The following ANO3 variants were observed in gnomAD, a reference collection of about 807,000 sequenced individuals.
The protein encoded by ANO3 is anoctamin 3.
In ANO3, 99 loss-of-function variants were observed where a neutral mutation model predicts 144.8. The observed-to-expected ratio is 0.68, with a 90% CI of 0.58 to 0.81. The LOEUF is 0.81. ANO3 is among the 30% of genes least tolerant of loss of function. ANO3 has a pLI of 0.00. For synonymous variants in ANO3, 414 were observed against 392.6 expected, an observed-to-expected ratio of 1.05 and a Z score of -0.64; for missense variants, 905 against 1,202.2, an observed-to-expected ratio of 0.75 and a Z score of 3.66.
intron 1 of ANO3, among the ~76,000 whole-genome samples, chr11:26,317,420 A>G (rs1854651317): frequency 6.6e-6 from 1 of 152,114 alleles, no homozygotes; most frequent in African/African-American, 2.4e-5. Context: ...TACAAGAAAA[A>G]AAAAACAACC....
At chr11:26,202,651 G>C (rs995168525) in intron 1 of ANO3, among the ~76,000 whole-genome samples, 3 of 151,452 alleles carry the variant, frequency 2.0e-5, no homozygotes, top group African/African-American at 7.3e-5. Flanking sequence ...AAAATATAAA[G>C]GGGAAAATGA....
chr11:26,322,296 C>T (rs1854778334), intron 1 of ANO3, among the ~76,000 whole-genome samples: 1 of 152,084 alleles, frequency 6.6e-6, no homozygotes, highest in South Asian at 2.1e-4. Context: ...ACCTCTCTCC[C>T]TGCACAATTT....
intron 3 of ANO3, among the ~76,000 whole-genome samples, chr11:26,462,130 TG>T (rs1859418033): frequency 6.6e-6 from 1 of 151,986 alleles, no homozygotes. Flanking sequence ...TAAACAAAAT[TG>T]TTTTTCCTCT....
intron 1 of ANO3, among the ~76,000 whole-genome samples, chr11:26,209,687 C>G (rs1851891302): frequency 6.6e-6 from 1 of 152,204 alleles, no homozygotes; most frequent in Non-Finnish European, 1.5e-5. Flanking sequence ...ACCATTCTAA[C>G]TGGTGTGAGA....
intron 1 of ANO3, among the ~76,000 whole-genome samples, chr11:26,245,434 T>G (rs1343682668): frequency 6.6e-6 from 1 of 152,178 alleles, no homozygotes; most frequent in African/African-American, 2.4e-5. Context: ...GGTTGGATAA[T>G]AGCCACCTTT....
At chr11:26,408,946 A>G (rs572342039) in intron 1 of ANO3, among the ~76,000 whole-genome samples, 5 of 148,374 alleles carry the variant, frequency 3.4e-5, no homozygotes, top group Non-Finnish European at 6.0e-5. Flanking sequence ...GGACACAGGA[A>G]GGGGAACATC....
chr11:26,367,173 A>G (rs1485732185), intron 1 of ANO3, among the ~76,000 whole-genome samples: 1 of 152,198 alleles, frequency 6.6e-6, no homozygotes, highest in African/African-American at 2.4e-5. Flanking sequence ...AACCTAGGCA[A>G]TACCATTCAG....
intron 10 of ANO3, among the ~76,000 whole-genome samples, chr11:26,537,891 G>C (rs577145086): frequency 6.6e-6 from 1 of 152,120 alleles, no homozygotes; most frequent in Non-Finnish European, 1.5e-5. Context: ...CCTCCCTACA[G>C]GTTTTAAATA....
chr11:26,548,847 A>C (rs1448592396), intron 12 of ANO3, among the ~76,000 whole-genome samples: 1 of 151,710 alleles, frequency 6.6e-6, no homozygotes, highest in Non-Finnish European at 1.5e-5. Context: ...ACTTCGGCCC[A>C]CCGGAAACAT....
chr11:26,367,778 A>T (rs990509111), intron 1 of ANO3, among the ~76,000 whole-genome samples: 2 of 152,196 alleles, frequency 1.3e-5, no homozygotes, highest in Non-Finnish European at 2.9e-5. Context: ...GCTTCTAGTG[A>T]AGCATCAAGG....
intron 17 of ANO3, among the ~76,000 whole-genome samples, chr11:26,613,755 G>A (rs1852168194): frequency 6.7e-6 from 1 of 148,266 alleles, no homozygotes; most frequent in African/African-American, 2.7e-5. Context: ...TGTCAGTGAT[G>A]TCTGTGATAT....
intron 7 of ANO3, among the ~76,000 whole-genome samples, chr11:26,529,115 A>ATT (rs769476048): frequency 4.3e-4 from 1 of 2,300 alleles, no homozygotes; most frequent in African/African-American, 4.8e-4. Flanking sequence ...TATTATTAAT[A>ATT]ATATATATTA....
At chr11:26,621,285 T>A (rs1486322858) in intron 17 of ANO3, among the ~76,000 whole-genome samples, 1 of 152,144 alleles carries the variant, frequency 6.6e-6, no homozygotes, top group African/African-American at 2.4e-5. Flanking sequence ...AAAAAGTGTT[T>A]CCCTGTGAGA....
intron 1 of ANO3, among the ~76,000 whole-genome samples, chr11:26,299,362 A>G (rs1166039159): frequency 1.3e-5 from 2 of 152,226 alleles, no homozygotes; most frequent in Non-Finnish European, 2.9e-5. Context: ...GGTAACTTTG[A>G]CAGTCTTAGT....
intron 12 of ANO3, among the ~76,000 whole-genome samples, chr11:26,548,507 G>A (rs1007772059): frequency 6.6e-6 from 1 of 151,918 alleles, no homozygotes; most frequent in South Asian, 2.1e-4. Flanking sequence ...GAACATGACA[G>A]TTAATGCTAA....
chr11:26,422,673 GTAATCTGATAC>G lies in ANO3; in HGVS notation c.47-19242_47-19232del, dbSNP rs1438003821. Among the ~76,000 whole-genome samples, 5 of 152,040 alleles carry G rather than the reference GTAATCTGATAC, an allele frequency of 3.3e-5. No individual in the cohort carries two copies. The East Asian group carries it at 9.7e-4, about 29-fold the overall frequency. ...CTCTATTTTTAGCTTTAGATGGGTT[GTAATCTGATAC>G]TAGTCAAGAATACCAGGTTAAACTA... On this transcript the variant is annotated intron_variant, in intron 1 of 26. Coordinates refer to ENST00000256737, the MANE Select transcript of ANO3 (RefSeq NM_031418.4).
chr11:26,628,683 A>T (rs1852671984), intron 18 of ANO3, among the ~76,000 whole-genome samples: 1 of 152,174 alleles, frequency 6.6e-6, no homozygotes, highest in Non-Finnish European at 1.5e-5. Context: ...ATAGCCTTTT[A>T]CTCCAAACTT....
At chr11:26,652,937 A>G (rs1008743709) in intron 24 of ANO3, among the ~76,000 whole-genome samples, 4 of 152,120 alleles carry the variant, frequency 2.6e-5, no homozygotes, top group East Asian at 3.9e-4. Flanking sequence ...TACTTTATTC[A>G]CTTGACTTTC....
intron 1 of ANO3, among the ~76,000 whole-genome samples, chr11:26,249,354 C>A (rs1175891763): frequency 1.3e-5 from 2 of 152,086 alleles, no homozygotes; most frequent in Non-Finnish European, 2.9e-5. Flanking sequence ...TACTACGAAG[C>A]TAACATAGGA....
Sources: allele counts gnomAD v4.1 joint callset (sites outside exome capture counted in the v4.1 genomes callset), GRCh38; gene constraint gnomAD v4.1.1; transcripts MANE v1.5; gene names NCBI Gene and HGNC (gene_info 2026-07-23, HGNC 2026-07-21).